Variants in NOL4 observed in about 807,000 individuals in gnomAD.
NOL4 encodes the protein nucleolar protein 4, also known as cancer/testis antigen 125.
NOL4 carries 17 observed loss-of-function variants against 75.9 expected under a neutral mutation model. The ratio of observed to expected loss-of-function variants is 0.22; its 90% CI spans 0.15 to 0.34. The LOEUF (loss-of-function observed/expected upper bound fraction) is 0.34, where lower values mean the gene tolerates loss of function less well. NOL4 is among the 10% of genes least tolerant of loss of function. The probability of loss-of-function intolerance (pLI) is 1.00; values close to 1 mark genes in which losing one functional copy is unlikely to be tolerated. For synonymous variants in NOL4, 292 were observed against 289.9 expected (o/e 1.01, Z -0.07); for missense variants, 614 against 793.5 (o/e 0.77, Z 2.72).
At chr18:33,907,587 T>C (rs1021862431) in intron 9 of NOL4, among the ~76,000 whole-genome samples, 1 of 152,112 alleles carries the variant, frequency 6.6e-6, no homozygotes, top group Admixed American at 6.5e-5. Context: ...AGAAGCACAA[T>C]GGAGGTACAT....
chr18:34,120,781 G>C (rs1380777094), intron 2 of NOL4, among the ~76,000 whole-genome samples: 2 of 152,110 alleles, frequency 1.3e-5, no homozygotes, highest in Admixed American at 6.6e-5. Context: ...TTAAAAGAAG[G>C]CAAAGCATTT....
At chr18:33,952,696 G>T (rs538145109) in intron 8 of NOL4, among the ~76,000 whole-genome samples, 1 of 152,188 alleles carries the variant, frequency 6.6e-6, no homozygotes, top group Non-Finnish European at 1.5e-5. Context: ...AGGCCAAGGC[G>T]GGTGGATCAC....
chr18:34,154,682 T>C (rs2030018994), intron 1 of NOL4, among the ~76,000 whole-genome samples: 1 of 151,996 alleles, frequency 6.6e-6, no homozygotes, highest in Non-Finnish European at 1.5e-5. Flanking sequence ...ACTCATGTCA[T>C]ATACTATTGC....
At chr18:34,080,893 T>C (rs1487683942) in intron 5 of NOL4, among the ~76,000 whole-genome samples, 1 of 152,210 alleles carries the variant, frequency 6.6e-6, no homozygotes, top group Non-Finnish European at 1.5e-5. Flanking sequence ...TACATGATAG[T>C]CATTATTGTA....
intron 10 of NOL4, among the ~76,000 whole-genome samples, chr18:33,864,238 C>T (rs1007869939): frequency 3.3e-5 from 5 of 152,180 alleles, no homozygotes; most frequent in African/African-American, 1.2e-4. Flanking sequence ...TTCTGCTCCT[C>T]ACTACTTATG....
intron 1 of NOL4, among the ~76,000 whole-genome samples, chr18:34,142,853 GC>G (rs1399113650): frequency 6.6e-6 from 1 of 152,006 alleles, no homozygotes; most frequent in Non-Finnish European, 1.5e-5. Flanking sequence ...TAAGAAATAT[GC>G]AATACAGTCG....
chr18:34,109,196 T>A (rs927037011), intron 2 of NOL4, among the ~76,000 whole-genome samples: 1 of 151,618 alleles, frequency 6.6e-6, no homozygotes, highest in Non-Finnish European at 1.5e-5. Context: ...AACAGGGAAG[T>A]GTATAGCAAT....
chr18:34,170,730 C>A (rs1031976243), intron 1 of NOL4, among the ~76,000 whole-genome samples: 2 of 151,998 alleles, frequency 1.3e-5, no homozygotes, highest in Admixed American at 1.3e-4. Flanking sequence ...ACTGAAAATT[C>A]TCATTAGGAA....
At chr18:34,159,188 T>G (rs2030997907) in intron 1 of NOL4, among the ~76,000 whole-genome samples, 1 of 152,228 alleles carries the variant, frequency 6.6e-6, no homozygotes, top group East Asian at 1.9e-4. Flanking sequence ...CCTGTCAGCC[T>G]CCTCCTCGCC....
At chr18:34,071,353 T>G (rs1364326775) in intron 5 of NOL4, among the ~76,000 whole-genome samples, 3 of 151,134 alleles carry the variant, frequency 2.0e-5, no homozygotes, top group Admixed American at 6.6e-5. Context: ...AGACAACCAC[T>G]AAAAAAATAG....
At chr18:34,055,085 A>T (rs1261637318) in intron 5 of NOL4, among the ~76,000 whole-genome samples, 2 of 151,370 alleles carry the variant, frequency 1.3e-5, no homozygotes, top group East Asian at 3.9e-4. Context: ...CCCAAAGTAC[A>T]TCTTTATGTA....
chr18:33,870,437 A>G (rs550035334), intron 10 of NOL4, among the ~76,000 whole-genome samples: 3 of 152,158 alleles, frequency 2.0e-5, no homozygotes, highest in African/African-American at 7.2e-5. Context: ...TGTATGGCAT[A>G]GTTAATGCTG....
At chr18:33,980,972 G>T (rs552213283) in intron 6 of NOL4, among the ~76,000 whole-genome samples, 73 of 152,040 alleles carry the variant, frequency 4.8e-4, no homozygotes, top group African/African-American at 1.6e-3. Context: ...ATAACTGATG[G>T]ATAATGTAAG....
chr18:33,931,287 G>A (rs1392000790), intron 9 of NOL4, among the ~76,000 whole-genome samples: 1 of 152,150 alleles, frequency 6.6e-6, no homozygotes, highest in African/African-American at 2.4e-5. Context: ...CAAAGTCAGT[G>A]ATACTACCCT....
At position 33,961,290 on chromosome 18, in the gene NOL4, C is replaced by G. The variant is rs1052155829; in HGVS notation, c.1057-2872G>C. Among the ~76,000 whole-genome samples, 2 of 151,894 alleles carry G rather than the reference C, an allele frequency of 1.3e-5. 1 individual carries two copies. Among genetic ancestry groups the G allele is most frequent in the South Asian group, 4.1e-4 (2 of 4,822 alleles). ...AGTGGAAGTGGTGGATTCACTAAAA[C>G]GGATTGTTCTTCACAGTGTGTGTGT... On this transcript the variant is annotated intron_variant, in intron 6 of 10. Transcript: ENST00000261592.
intron 1 of NOL4, among the ~76,000 whole-genome samples, chr18:34,177,925 C>T (rs2033690715): frequency 6.6e-6 from 1 of 151,600 alleles, no homozygotes; most frequent in Non-Finnish European, 1.5e-5. Flanking sequence ...AAATAAAGAC[C>T]TCTACTAATG....
intron 5 of NOL4, among the ~76,000 whole-genome samples, chr18:34,020,864 A>G (rs553490435): frequency 6.6e-6 from 1 of 152,310 alleles, no homozygotes; most frequent in East Asian, 1.9e-4. Flanking sequence ...TTATGATGGA[A>G]AAGGTATTAA....
chr18:33,924,348 G>A (rs1353436014), intron 9 of NOL4, among the ~76,000 whole-genome samples: 1 of 152,144 alleles, frequency 6.6e-6, no homozygotes, highest in Non-Finnish European at 1.5e-5. Context: ...TGACCATATT[G>A]TACTTGTGAT....
At chr18:33,992,290 A>T (rs2072977311) in intron 6 of NOL4, among the ~76,000 whole-genome samples, 1 of 152,030 alleles carries the variant, frequency 6.6e-6, no homozygotes, top group South Asian at 2.1e-4. Context: ...TGTATTGAAC[A>T]GTTAACAATT....
Sources: gnomAD v4.1 joint callset for allele counts (sites outside exome capture counted in the v4.1 genomes callset) on GRCh38, gnomAD v4.1.1 for gene constraint, MANE v1.5 for transcripts, NCBI Gene and HGNC (gene_info 2026-07-23, HGNC 2026-07-21) for gene names.